Variants in STAG1 observed in about 807,000 individuals in gnomAD.
The protein encoded by STAG1 is STAG1 cohesin complex component.
Under a neutral mutation model 170.9 loss-of-function variants are expected in STAG1, and 26 were observed. The ratio of observed to expected loss-of-function variants is 0.15; its 90% CI spans 0.11 to 0.21. The LOEUF is 0.21. Ranked by LOEUF, STAG1 falls within the 10% of genes least tolerant of loss-of-function variation. The probability of loss-of-function intolerance (pLI) is 1.00; values close to 1 mark genes in which losing one functional copy is unlikely to be tolerated. For missense variants in STAG1, 964 were observed against 1,509.5 expected (o/e 0.64, Z 5.99); for synonymous variants, 514 against 497.7 (o/e 1.03, Z -0.44).
chr3:136,616,991 T>A (rs1449478319), intron 3 of STAG1, among the ~76,000 whole-genome samples: 1 of 152,152 alleles, frequency 6.6e-6, no homozygotes, highest in Non-Finnish European at 1.5e-5. Context: ...GGCAATAATA[T>A]ATGTCAAAAG....
At chr3:136,378,922 G>A (rs1236815298) in intron 22 of STAG1, among the ~76,000 whole-genome samples, 2 of 152,144 alleles carry the variant, frequency 1.3e-5, no homozygotes, top group Non-Finnish European at 2.9e-5. Flanking sequence ...CACTTAAAAA[G>A]TACTCAACTA....
At chr3:136,601,276 G>A (rs1251335177) in intron 4 of STAG1, among the ~76,000 whole-genome samples, 1 of 151,430 alleles carries the variant, frequency 6.6e-6, no homozygotes, top group African/African-American at 2.4e-5. Flanking sequence ...AAAATCAGAA[G>A]GTAAATTCAT....
chr3:136,519,274 T>C (rs1934543749), intron 7 of STAG1, among the ~76,000 whole-genome samples: 1 of 152,110 alleles, frequency 6.6e-6, no homozygotes, highest in Admixed American at 6.6e-5. Flanking sequence ...TGCACACAAG[T>C]TTCTAGATTA....
intron 22 of STAG1, among the ~76,000 whole-genome samples, chr3:136,381,415 A>C (rs1937954329): frequency 6.6e-6 from 1 of 152,366 alleles, no homozygotes. Context: ...AACATTAAAA[A>C]AATGAATAAT....
At chr3:136,706,294 ACTATCT>A (rs1943227013) in intron 1 of STAG1, among the ~76,000 whole-genome samples, 1 of 152,236 alleles carries the variant, frequency 6.6e-6, no homozygotes, top group East Asian at 1.9e-4. Context: ...ATGAAGTGTA[ACTATCT>A]CTAGTCGCAC....
chr3:136,367,420 T>A (rs758736873), intron 24 of STAG1, among the ~76,000 whole-genome samples: 6 of 152,040 alleles, frequency 3.9e-5, no homozygotes, highest in Non-Finnish European at 8.8e-5. Flanking sequence ...TACCATTTTA[T>A]TTAAGAGATT....
At chr3:136,456,872 G>A (rs778045821) in intron 13 of STAG1, among the ~76,000 whole-genome samples, 2 of 152,150 alleles carry the variant, frequency 1.3e-5, no homozygotes, top group African/African-American at 4.8e-5. Context: ...AAGTTTTGAA[G>A]AAAGAAAACT....
Position 136,614,060 on chromosome 3 carries a change from C to CA in STAG1, c.132+9085dup, listed in dbSNP as rs1939454566. Among the ~76,000 whole-genome samples the CA allele has an allele frequency of 2.0e-5, 3 of 152,056 alleles. No individual in the cohort carries two copies. In the South Asian group the frequency reaches 6.3e-4, roughly 32 times the overall value. On this transcript the variant is annotated intron_variant, in intron 3 of 33. Transcript: ENST00000383202. ...TGAAACCCCGTCTACACTAAAAATA[C>CA]AAAAAATTAGCCAGGCATGGTGGTA...
chr3:136,403,023 T>C (rs545894739), intron 21 of STAG1, among the ~76,000 whole-genome samples: 143 of 149,020 alleles, frequency 9.6e-4, no homozygotes, highest in Non-Finnish European at 1.4e-3. Context: ...AGGTCAGGAG[T>C]TCTAGACCAG....
chr3:136,573,943 C>T (rs1053570822), intron 4 of STAG1, among the ~76,000 whole-genome samples: 1 of 151,800 alleles, frequency 6.6e-6, no homozygotes, highest in Admixed American at 6.6e-5. Flanking sequence ...TGCACTCCAG[C>T]CTTGGCCCCA....
intron 6 of STAG1, among the ~76,000 whole-genome samples, chr3:136,523,892 A>G (rs1934837380): frequency 6.6e-6 from 1 of 152,058 alleles, no homozygotes; most frequent in African/African-American, 2.4e-5. Context: ...TTTGTCAAAG[A>G]TCAGATAGTT....
chr3:136,710,651 T>G (rs1182456963), intron 1 of STAG1, among the ~76,000 whole-genome samples: 1 of 152,080 alleles, frequency 6.6e-6, no homozygotes, highest in Non-Finnish European at 1.5e-5. Context: ...GCGAAGAAAC[T>G]ACCTAACCCA....
intron 5 of STAG1, among the ~76,000 whole-genome samples, chr3:136,563,644 T>C (rs1282999238): frequency 1.4e-5 from 2 of 141,720 alleles, no homozygotes; most frequent in East Asian, 2.0e-4. Context: ...CCCTTCTTTC[T>C]TACAAAAAAA....
intron 7 of STAG1, among the ~76,000 whole-genome samples, chr3:136,520,018 C>T (rs9812319): frequency 0.38 from 57,681 of 151,790 alleles, 12,272 homozygotes; most frequent in African/African-American, 0.57. Flanking sequence ...AACAGAATAA[C>T]AGACACTAAT....
chr3:136,413,167 T>C (rs1008948020), intron 21 of STAG1, among the ~76,000 whole-genome samples: 2 of 149,168 alleles, frequency 1.3e-5, no homozygotes, highest in African/African-American at 4.9e-5. Context: ...CCTGGCCTAA[T>C]ATATATTTTA....
intron 22 of STAG1, among the ~76,000 whole-genome samples, chr3:136,389,414 T>A (rs2086950793): frequency 6.6e-6 from 1 of 152,148 alleles, no homozygotes; most frequent in South Asian, 2.1e-4. Flanking sequence ...TGTCTCAGCC[T>A]CCTGAGTAGC....
intron 10 of STAG1, among the ~76,000 whole-genome samples, chr3:136,475,482 T>C (rs986364760): frequency 6.6e-6 from 1 of 152,006 alleles, no homozygotes; most frequent in African/African-American, 2.4e-5. Flanking sequence ...CCTCGCAACA[T>C]CACCAGCACA....
At chr3:136,578,849 G>T (rs887944985) in intron 4 of STAG1, among the ~76,000 whole-genome samples, 4 of 152,156 alleles carry the variant, frequency 2.6e-5, no homozygotes, top group East Asian at 1.9e-4. Flanking sequence ...AATTGGAAAA[G>T]ACATACTTGG....
intron 4 of STAG1, among the ~76,000 whole-genome samples, chr3:136,575,350 A>G (rs567993370): frequency 6.2e-4 from 95 of 152,196 alleles, no homozygotes; most frequent in African/African-American, 2.2e-3. Context: ...TCAGCCTCTC[A>G]AGTAGCTGGG....
Sources: gnomAD v4.1 joint callset for allele counts (sites outside exome capture counted in the v4.1 genomes callset) on GRCh38, gnomAD v4.1.1 for gene constraint, MANE v1.5 for transcripts, NCBI Gene and HGNC (gene_info 2026-07-23, HGNC 2026-07-21) for gene names.